Variants in ENOX1 observed in about 807,000 individuals in gnomAD.
The protein encoded by ENOX1 is candidate growth-related and time keeping constitutive hydroquinone (NADH) oxidase.
Under a neutral mutation model 82.5 loss-of-function variants are expected in ENOX1, and 42 were observed. The ratio of observed to expected loss-of-function variants is 0.51; its 90% confidence interval spans 0.40 to 0.66. The LOEUF (loss-of-function observed/expected upper bound fraction) is 0.66. Ranked by LOEUF, ENOX1 falls within the 30% of genes least tolerant of loss-of-function variation. The pLI is 0.00. For synonymous variants in ENOX1, 271 were observed against 282.2 expected, an observed-to-expected ratio of 0.96 and a Z score of 0.40; for missense variants, 608 against 811.6, an observed-to-expected ratio of 0.75 and a Z score of 3.05.
intron 3 of ENOX1, among the ~76,000 whole-genome samples, chr13:43,420,097 CT>C (rs2054885640): frequency 6.6e-6 from 1 of 152,176 alleles, no homozygotes; most frequent in Non-Finnish European, 1.5e-5. Flanking sequence ...GATACATTTC[CT>C]TCCAAAGTTC....
chr13:43,638,266 C>T (rs1237869850), intron 2 of ENOX1, among the ~76,000 whole-genome samples: 1 of 152,090 alleles, frequency 6.6e-6, no homozygotes, highest in African/African-American at 2.4e-5. Context: ...GATTTCATAC[C>T]AGGCCACAGC....
intron 2 of ENOX1, among the ~76,000 whole-genome samples, chr13:43,660,573 C>T (rs543567296): frequency 5.3e-5 from 8 of 152,164 alleles, no homozygotes; most frequent in East Asian, 3.9e-4. Flanking sequence ...ATTGCCCTAA[C>T]GATATATTGG....
At chr13:43,705,785 G>C (rs768197813) in intron 1 of ENOX1, among the ~76,000 whole-genome samples, 1 of 152,062 alleles carries the variant, frequency 6.6e-6, no homozygotes, top group Non-Finnish European at 1.5e-5. Context: ...TATGAATGCA[G>C]AAGATTTGAA....
At chr13:43,347,772 A>C (rs148752333) in intron 8 of ENOX1, among the ~76,000 whole-genome samples, 10 of 152,372 alleles carry the variant, frequency 6.6e-5, no homozygotes, top group Middle Eastern at 3.4e-3. Context: ...ATGCACTTAT[A>C]AAAATTCCAA....
chr13:43,360,507 T>C (rs2050430328), intron 6 of ENOX1, among the ~76,000 whole-genome samples: 1 of 152,100 alleles, frequency 6.6e-6, no homozygotes, highest in African/African-American at 2.4e-5. Context: ...GCACAATACT[T>C]ACTTGGCTGT....
chr13:43,362,419 T>C (rs969970799), intron 5 of ENOX1, among the ~76,000 whole-genome samples: 1 of 152,104 alleles, frequency 6.6e-6, no homozygotes, highest in Non-Finnish European at 1.5e-5. Context: ...TGTTCCCAGA[T>C]AGACAGGCCA....
chr13:43,490,002 G>A (rs1423337204), intron 2 of ENOX1, among the ~76,000 whole-genome samples: 1 of 152,114 alleles, frequency 6.6e-6, no homozygotes, highest in African/African-American at 2.4e-5. Context: ...GCAGTGGCAT[G>A]ACGTCGGCTC....
intron 1 of ENOX1, among the ~76,000 whole-genome samples, chr13:43,718,314 G>A (rs1023734834): frequency 2.6e-5 from 4 of 152,020 alleles, no homozygotes; most frequent in African/African-American, 9.7e-5. Flanking sequence ...CTTATAAATG[G>A]GAGCTAAACA....
At chr13:43,707,548 C>T (rs187635180) in intron 1 of ENOX1, among the ~76,000 whole-genome samples, 1 of 152,046 alleles carries the variant, frequency 6.6e-6, no homozygotes, top group East Asian at 1.9e-4. Flanking sequence ...ATCTGGCCAA[C>T]GTGGTGAAAC....
intron 1 of ENOX1, among the ~76,000 whole-genome samples, chr13:43,690,289 A>T (rs551172909): frequency 5.9e-5 from 9 of 152,140 alleles, no homozygotes; most frequent in East Asian, 1.9e-4. Context: ...AAGCAGATTA[A>T]AAAAAGCTGC....
intron 5 of ENOX1, among the ~76,000 whole-genome samples, chr13:43,376,537 T>A (rs964837172): frequency 3.9e-5 from 6 of 152,152 alleles, no homozygotes; most frequent in Non-Finnish European, 7.3e-5. Context: ...ACAGGAACTT[T>A]CAGAGTAAAT....
intron 12 of ENOX1, among the ~76,000 whole-genome samples, chr13:43,271,876 A>G (rs544795024): frequency 1.3e-5 from 2 of 152,096 alleles, no homozygotes; most frequent in Admixed American, 6.6e-5. Flanking sequence ...TTTCCAAAAC[A>G]TATATTGTCA....
At chr13:43,619,177 T>C in intron 2 of ENOX1, among the ~76,000 whole-genome samples, 1 of 152,222 alleles carries the variant, frequency 6.6e-6, no homozygotes, top group Middle Eastern at 3.4e-3. Context: ...AATCATATCA[T>C]CAGCAAACAG....
chr13:43,755,104 T>C (rs139354435), intron 1 of ENOX1, among the ~76,000 whole-genome samples: 3 of 151,970 alleles, frequency 2.0e-5, no homozygotes, highest in African/African-American at 7.2e-5. Flanking sequence ...AAGATACCAT[T>C]GTTATAAACT....
chr13:43,584,406 T>G (rs894488400), intron 2 of ENOX1, among the ~76,000 whole-genome samples: 1 of 152,246 alleles, frequency 6.6e-6, no homozygotes, highest in African/African-American at 2.4e-5. Flanking sequence ...AGAGTCATAA[T>G]GTCGAGTTTC....
rs552079289 is a variant in ENOX1, at chr13:43,238,321, T to C, written c.1612-1583A>G. Among the ~76,000 whole-genome samples the C allele has an allele frequency of 2.6e-5, 4 of 152,336 alleles. No homozygotes were observed. In the East Asian group the frequency reaches 7.7e-4, roughly 29 times the overall value. On this transcript the variant is annotated intron_variant, in intron 14 of 16. Transcript: ENST00000690772. The stretch of plus-strand genomic sequence containing the variant: ...AAATAGAACAAATCCAAAGGCTTAT[T>C]ATGTAGATGGGATTAGAACATTTAT...
intron 2 of ENOX1, among the ~76,000 whole-genome samples, chr13:43,663,211 T>A (rs1028655550): frequency 2.0e-5 from 3 of 152,172 alleles, no homozygotes; most frequent in African/African-American, 4.8e-5. Context: ...CACACAGCCA[T>A]TCTCCCTGCA....
intron 11 of ENOX1, among the ~76,000 whole-genome samples, chr13:43,315,694 G>A (rs2047438915): frequency 1.3e-5 from 2 of 152,248 alleles, no homozygotes; most frequent in Non-Finnish European, 2.9e-5. Flanking sequence ...ATGTAAATTT[G>A]GATTGCTGTT....
chr13:43,709,335 AAATT>A (rs1409051528), intron 1 of ENOX1, among the ~76,000 whole-genome samples: 2 of 152,156 alleles, frequency 1.3e-5, no homozygotes, highest in Non-Finnish European at 2.9e-5. Context: ...GTAAAATCAG[AAATT>A]AATAACAAAG....
Sources: allele counts gnomAD v4.1 joint callset (sites outside exome capture counted in the v4.1 genomes callset), GRCh38; gene constraint gnomAD v4.1.1; transcripts MANE v1.5; gene names NCBI Gene and HGNC (gene_info 2026-07-23, HGNC 2026-07-21).